DNAAF4: variants seen among roughly 807,000 people sequenced by gnomAD.
DNAAF4 encodes dynein axonemal assembly factor 4.
DNAAF4 carries 43 observed loss-of-function variants against 51.8 expected under a neutral mutation model. The observed-to-expected ratio is 0.83, with a 90% CI of 0.65 to 1.07. DNAAF4 has a LOEUF of 1.07. Ranked by LOEUF, DNAAF4 falls within the 50% of genes least tolerant of loss-of-function variation. The probability of loss-of-function intolerance (pLI) is 0.00; values close to 1 mark genes in which losing one functional copy is unlikely to be tolerated. For missense variants in DNAAF4, 581 were observed against 493.0 expected, an observed-to-expected ratio of 1.18 and a Z score of -1.69; for synonymous variants, 194 against 165.6, an observed-to-expected ratio of 1.17 and a Z score of -1.32.
chr15:55,471,830 T>C (rs1452880434), intron 4 of DNAAF4, among the ~76,000 whole-genome samples: 1 of 149,848 alleles, frequency 6.7e-6, no homozygotes, highest in African/African-American at 2.5e-5. Flanking sequence ...CTTAAAGATA[T>C]TTTGTTATTT....
At chr15:55,420,343 T>TGC (rs10631132) in intron 7 of DNAAF4, among the ~76,000 whole-genome samples, 26,952 of 152,030 alleles carry the variant, frequency 0.18, 4,109 homozygotes, top group African/African-American at 0.42. Flanking sequence ...TTGATTCTAC[T>TGC]ACACACAGAT....
chr15:55,424,880 G>A (rs1179700171), intron 7 of DNAAF4, among the ~76,000 whole-genome samples: 1 of 150,680 alleles, frequency 6.6e-6, no homozygotes, highest in Non-Finnish European at 1.5e-5. Flanking sequence ...TTTTTTTTTG[G>A]AGATGGAGTT....
chr15:55,485,136 C>A (rs2058469348), intron 4 of DNAAF4, among the ~76,000 whole-genome samples: 1 of 152,052 alleles, frequency 6.6e-6, no homozygotes, highest in African/African-American at 2.4e-5. Flanking sequence ...AAACACTGGC[C>A]AAAGACATCA....
chr15:55,508,093 G>A (rs2058735841), intron 1 of DNAAF4, 29 bp downstream of exon 1: 1 of 152,136 alleles, frequency 6.6e-6, no homozygotes, highest in South Asian at 2.1e-4. Context: ...ATTAAGGGAT[G>A]AGTTTTACTG....
At chr15:55,492,199 A>C (rs1250959181) in intron 3 of DNAAF4, among the ~76,000 whole-genome samples, 1 of 99,706 alleles carries the variant, frequency 1.0e-5, no homozygotes, top group Non-Finnish European at 2.1e-5. Context: ...AGTTTCACAA[A>C]CTGAAGACTA....
intron 5 of DNAAF4, among the ~76,000 whole-genome samples, chr15:55,459,444 GA>G (rs1013233685): frequency 2.6e-5 from 4 of 151,314 alleles, no homozygotes; most frequent in South Asian, 2.1e-4. Context: ...ATAACACAAT[GA>G]AAAAAAATAA....
chr15:55,498,519 G>A lies in DNAAF4; in HGVS notation c.-190C>T. 8.8e-6 allele frequency: 5 copies of A among 571,324 alleles called. No individual in the cohort carries two copies. The highest frequency in any genetic ancestry group is 1.4e-5 in the Non-Finnish European group (5 of 360,434). 35.4% of individuals were successfully genotyped at this position (571,324 alleles called of 1,614,324 possible). A position where few individuals can be genotyped will look rare whatever the true frequency, so the allele number is the denominator to read the frequency against. The stretch of plus-strand genomic sequence containing the variant: ...ACTATCCAGGCGCCCAGACCAGAGA[G>A]TGATGCCGATTCTTGGGGTTACCTT... On this transcript the variant is annotated 5_prime_UTR_variant, in exon 2 of 10. Coordinates refer to ENST00000321149, the MANE Select transcript of DNAAF4 (RefSeq NM_130810.4).
At chr15:55,479,297 CA>C (rs1307896226) in intron 4 of DNAAF4, among the ~76,000 whole-genome samples, 1 of 151,816 alleles carries the variant, frequency 6.6e-6, no homozygotes, top group African/African-American at 2.4e-5. Context: ...GGAGCCGCAG[CA>C]GAGGAACATA....
chr15:55,443,033 C>G, intron 6 of DNAAF4: 1 of 1,611,112 alleles, frequency 6.2e-7, no homozygotes, highest in Non-Finnish European at 8.5e-7. Flanking sequence ...AAGAGCTGGG[C>G]CTGTGACACT....
At chr15:55,432,689 T>TA in intron 8 of DNAAF4, 87 bp from the exon 9 acceptor site, 2 of 1,207,994 alleles carry the variant, frequency 1.7e-6, no homozygotes, top group Non-Finnish European at 2.3e-6. Flanking sequence ...CTCACGCCTG[T>TA]AATCCCAACA....
chr15:55,446,795 A>C (rs551463840), intron 6 of DNAAF4, among the ~76,000 whole-genome samples: 1 of 141,410 alleles, frequency 7.1e-6, no homozygotes, highest in Non-Finnish European at 1.5e-5. Context: ...CTCACATCCC[A>C]GATGGGGCGG....
intron 5 of DNAAF4, among the ~76,000 whole-genome samples, chr15:55,466,036 A>G (rs1257087186): frequency 6.6e-6 from 1 of 152,204 alleles, no homozygotes; most frequent in African/African-American, 2.4e-5. Context: ...AGAAATCACC[A>G]CTAAAGAACT....
At position 55,500,946 on chromosome 15, in the gene DNAAF4, C is replaced by T. The variant is rs550290244; in HGVS notation, c.-255-2362G>A. ...GGCAGAGGTTGCCATGAGCTGAGAG[C>T]GTGCCATTGCACTCCAGCCTGAGCA... On this transcript the variant is annotated intron_variant, in intron 1 of 9. Coordinates refer to ENST00000321149, the MANE Select transcript of DNAAF4 (RefSeq NM_130810.4). Among the ~76,000 whole-genome samples, 3 of 134,628 alleles carry T rather than the reference C, an allele frequency of 2.2e-5. No homozygotes were observed. In the East Asian group the frequency reaches 7.1e-4, roughly 32 times the overall value. The allele number at this position is 134,628 out of a possible 152,430, so 88.3% of individuals were successfully genotyped here.
At chr15:55,452,827 C>G (rs550396599) in intron 5 of DNAAF4, among the ~76,000 whole-genome samples, 1 of 152,270 alleles carries the variant, frequency 6.6e-6, no homozygotes, top group South Asian at 2.1e-4. Context: ...AGATTAATAT[C>G]AATGGCTGGA....
chr15:55,424,478 G>A (rs2057413434), intron 7 of DNAAF4, among the ~76,000 whole-genome samples: 1 of 152,200 alleles, frequency 6.6e-6, no homozygotes, highest in Non-Finnish European at 1.5e-5. Context: ...TTTCCCACAT[G>A]GATGAAATTT....
chr15:55,439,632 A>T (rs1198050422), intron 6 of DNAAF4, 51 bp from the exon 7 acceptor site: 1 of 1,497,250 alleles, frequency 6.7e-7, no homozygotes, highest in East Asian at 2.3e-5. Context: ...TTTTTTAATT[A>T]ACATTTCCTT....
intron 5 of DNAAF4, among the ~76,000 whole-genome samples, chr15:55,465,023 G>A (rs2058148265): frequency 6.6e-6 from 1 of 152,126 alleles, no homozygotes; most frequent in African/African-American, 2.4e-5. Flanking sequence ...CTAATTATTA[G>A]GGAAATGCAA....
chr15:55,438,476 A>G (rs975314818), intron 7 of DNAAF4, among the ~76,000 whole-genome samples: 1 of 151,842 alleles, frequency 6.6e-6, no homozygotes, highest in African/African-American at 2.4e-5. Flanking sequence ...GTAAGATGGT[A>G]ATCTTTAGAA....
chr15:55,503,805 CACAGCCAAT>C (rs1309691553), intron 1 of DNAAF4, among the ~76,000 whole-genome samples: 11 of 152,118 alleles, frequency 7.2e-5, no homozygotes, highest in Non-Finnish European at 1.5e-5. Context: ...ATGAGGAACC[CACAGCCAAT>C]ATCAAACTGA....
Sources: gnomAD v4.1 joint callset for allele counts (sites outside exome capture counted in the v4.1 genomes callset) on GRCh38, gnomAD v4.1.1 for gene constraint, MANE v1.5 for transcripts, NCBI Gene and HGNC (gene_info 2026-07-23, HGNC 2026-07-21) for gene names.